TMEM101: variants seen among roughly 807,000 people sequenced by gnomAD.
The protein encoded by TMEM101 is transmembrane protein 101.
TMEM101 carries 14 observed loss-of-function variants against 26.0 expected under a neutral mutation model. That is an observed-to-expected ratio of 0.54 (90% CI 0.36 to 0.84). The LOEUF (loss-of-function observed/expected upper bound fraction) is 0.84. Ranked by LOEUF, TMEM101 falls within the 40% of genes least tolerant of loss-of-function variation. The pLI is 0.01. For synonymous variants in TMEM101, 152 were observed against 145.1 expected (o/e 1.05, Z -0.34); for missense variants, 292 against 345.1 (o/e 0.85, Z 1.22).
At position 44,014,549 on chromosome 17, in the gene TMEM101, G is replaced by A. The variant is rs752092549; in HGVS notation, c.138-12C>T. 49 of 1,568,418 alleles carry A rather than the reference G, an allele frequency of 3.1e-5. No individual in the cohort carries two copies. The highest frequency in any genetic ancestry group is 4.0e-5 in the African/African-American group (3 of 74,164). On this transcript the variant is annotated splice_polypyrimidine_tract_variant and intron_variant, in intron 1 of 3. Coordinates refer to ENST00000206380, the MANE Select transcript of TMEM101 (RefSeq NM_032376.4). Reference sequence around the variant, plus strand: ...GGATGTCGGGCTTCCTGCGAGCCGGGAGTGGGGAAGCAACGAGGACAGAAT... The same window carrying A: ...GGATGTCGGGCTTCCTGCGAGCCGGAAGTGGGGAAGCAACGAGGACAGAAT...
chr17:44,021,133 T>C (rs919639610), intron 2 of TMEM101, among the ~76,000 whole-genome samples: 1 of 152,214 alleles, frequency 6.6e-6, no homozygotes, highest in Admixed American at 6.5e-5. Flanking sequence ...CCCACTCTGG[T>C]GGACCTGAAT....
chr17:44,016,930 CAA>C (rs1262648373), upstream of TMEM101, among the ~76,000 whole-genome samples: 1 of 151,772 alleles, frequency 6.6e-6, no homozygotes, highest in Non-Finnish European at 1.5e-5. Context: ...GTCAGGAGTT[CAA>C]GACCAGCCTG....
Position 44,011,793 on chromosome 17 carries a change from A to G in TMEM101, c.*135T>C. 1 of 1,060,664 alleles carries G rather than the reference A, an allele frequency of 9.4e-7. No individual in the cohort carries two copies. The highest frequency in any genetic ancestry group is 2.6e-5 in the East Asian group (1 of 38,736). The allele number at this position is 1,060,664 out of a possible 1,614,324, so 65.7% of individuals were successfully genotyped here. ...AAATGAGCTGCCTCTTAACTGCAAAAAACAATTTTAAAAAAGCAAAAGATC... is the reference window on the plus strand; with the variant it reads ...AAATGAGCTGCCTCTTAACTGCAAAGAACAATTTTAAAAAAGCAAAAGATC... On this transcript the variant is annotated 3_prime_UTR_variant, in exon 4 of 4. Transcript: ENST00000206380.
chr17:44,023,034 CT>C, intron 1 of TMEM101: 2 of 323,572 alleles, frequency 6.2e-6, no homozygotes. Flanking sequence ...TATATTTACA[CT>C]CACCAGACTA....
chr17:44,014,868 A>G lies in TMEM101; in HGVS notation c.85T>C (p.Trp29Arg), dbSNP rs2144017562. ...GSVLLTRCPF[W>R]GCFSQLMLYA... ...AGCATGAGCTGGCTGAAGCAGCCCC[A>G]AAAGGGGCAGCGTGTGAGCAGCACC... Residue 29 changes from tryptophan to arginine, a missense_variant, in exon 1 of 4, where the codon TGG (tryptophan) becomes CGG (arginine). Physicochemically the swap from Trp to Arg is moderately radical, Grantham distance 101. Coordinates refer to ENST00000206380, the MANE Select transcript of TMEM101 (RefSeq NM_032376.4). The G allele has an allele frequency of 6.2e-7, 1 of 1,613,728 alleles. No homozygotes were observed. Among genetic ancestry groups the G allele is most frequent in the East Asian group, 2.2e-5 (1 of 44,858 alleles).
chr17:44,018,868 C>T (rs2049258669), upstream of TMEM101, among the ~76,000 whole-genome samples: 1 of 152,182 alleles, frequency 6.6e-6, no homozygotes, highest in Non-Finnish European at 1.5e-5. Flanking sequence ...TTTTCCTGCT[C>T]TTTCCTCTTT....
chr17:44,016,646 G>A (rs1292946762), upstream of TMEM101, among the ~76,000 whole-genome samples: 2 of 152,194 alleles, frequency 1.3e-5, no homozygotes, highest in African/African-American at 2.4e-5. Flanking sequence ...GAAAATGTGT[G>A]GCTGACTGGA....
intron 1 of TMEM101, chr17:44,021,498 C>T (rs1302594940): frequency 2.0e-5 from 3 of 152,196 alleles, no homozygotes; most frequent in Non-Finnish European, 2.9e-5. Context: ...TGGTAGTGTG[C>T]GCAAGGATTC....
upstream of TMEM101, among the ~76,000 whole-genome samples, chr17:44,018,090 A>C (rs779123857): frequency 6.6e-6 from 1 of 152,210 alleles, no homozygotes; most frequent in Non-Finnish European, 1.5e-5. Flanking sequence ...GCACCACTGC[A>C]CTCCAGGCTG....
chr17:44,012,338 G>T (rs2049171926), intron 3 of TMEM101, 102 bp from the exon 4 acceptor site: 1 of 1,113,218 alleles, frequency 9.0e-7, no homozygotes, highest in Non-Finnish European at 1.3e-6. Flanking sequence ...CTGCAGATGG[G>T]CTTCTGACTC....
Position 44,014,451 on chromosome 17 carries a change from C to T in TMEM101, c.224G>A (p.Arg75Gln). ...TGCGGCCCCCAGCGCGAACCAGCGC[C>T]GCTTCACGCCAAAGGACATGAAACT... is the stretch of plus-strand genomic sequence containing the variant. ...CASFMSFGVK[R>Q]RWFALGAALQ... The change falls in exon 2 of 4, where the codon CGG (arginine) becomes CAG (glutamine). Residue 75 changes from arginine to glutamine, a missense_variant. This residue lies in a region of TMEM101 where 143 missense variants were observed against 133.2 expected (regional missense o/e 1.07). Transcript: ENST00000206380. 1 of 1,559,572 alleles carries T rather than the reference C, an allele frequency of 6.4e-7. No homozygotes were observed. The highest frequency in any genetic ancestry group is 2.4e-5 in the East Asian group (1 of 42,028).
upstream of TMEM101, among the ~76,000 whole-genome samples, chr17:44,015,971 A>C (rs1334234467): frequency 6.6e-6 from 1 of 152,122 alleles, no homozygotes; most frequent in Non-Finnish European, 1.5e-5. Context: ...TAATTGCAGC[A>C]GACATCCAGG....
intron 2 of TMEM101, among the ~76,000 whole-genome samples, chr17:44,020,037 C>A (rs771572392): frequency 1.3e-5 from 2 of 152,130 alleles, no homozygotes; most frequent in African/African-American, 4.8e-5. Context: ...TCATTAAGAG[C>A]TTTTTCTACA....
chr17:44,011,677 C>A lies in TMEM101; in HGVS notation c.*251G>T. 1 of 499,756 alleles carries A rather than the reference C, an allele frequency of 2.0e-6. No homozygotes were observed. Among genetic ancestry groups the A allele is most frequent in the South Asian group, 2.6e-5 (1 of 38,234 alleles). 31.0% of individuals were successfully genotyped at this position (499,756 alleles called of 1,614,324 possible). Reference sequence around the variant, plus strand: ...CAGGGACAGGAGACTCAGTGGGCAGCTGGCCTCAGCTCTCCTAACAGGAAA... The same window carrying A: ...CAGGGACAGGAGACTCAGTGGGCAGATGGCCTCAGCTCTCCTAACAGGAAA... On this transcript the variant is annotated 3_prime_UTR_variant, in exon 4 of 4. Transcript: ENST00000206380.
chr17:44,015,790 G>A (rs2049224767), upstream of TMEM101, among the ~76,000 whole-genome samples: 1 of 152,174 alleles, frequency 6.6e-6, no homozygotes. Flanking sequence ...CCCCGTTTCT[G>A]TTAAGATCAA....
Position 44,014,348 on chromosome 17 carries a change from G to A in TMEM101, c.318+9C>T. ...AGAGGGAAGACCCTTTTGGGGCCGA[G>A]GCGCTCACCTTCAGCCAGTCCCCGT... On this transcript the variant is annotated intron_variant, in intron 2 of 3. Coordinates refer to ENST00000206380, the MANE Select transcript of TMEM101 (RefSeq NM_032376.4). The A allele has an allele frequency of 6.5e-7, 1 of 1,544,650 alleles. No individual in the cohort carries two copies. Among genetic ancestry groups the A allele is most frequent in the Non-Finnish European group, 8.8e-7 (1 of 1,141,388 alleles).
upstream of TMEM101, among the ~76,000 whole-genome samples, chr17:44,015,675 G>T (rs1206237605): frequency 6.6e-6 from 1 of 152,216 alleles, no homozygotes; most frequent in African/African-American, 2.4e-5. Context: ...TTACAGGCAT[G>T]AGCCACCGCG....
At chr17:44,016,236 G>A (rs1475670584), upstream of TMEM101, among the ~76,000 whole-genome samples, 1 of 151,750 alleles carries the variant, frequency 6.6e-6, no homozygotes, top group East Asian at 1.9e-4. Flanking sequence ...GCAGTGGTGC[G>A]ATCTTGGCTC....
upstream of TMEM101, among the ~76,000 whole-genome samples, chr17:44,017,081 G>A (rs1426221413): frequency 6.6e-6 from 1 of 151,334 alleles, no homozygotes; most frequent in African/African-American, 2.4e-5. Flanking sequence ...AACCTGGGCG[G>A]CGGACCTTGC....
Sources: allele counts gnomAD v4.1 joint callset (sites outside exome capture counted in the v4.1 genomes callset), GRCh38; gene constraint gnomAD v4.1.1; regional missense constraint gnomAD v4.1.1; transcripts MANE v1.5; gene names NCBI Gene and HGNC (gene_info 2026-07-23, HGNC 2026-07-21).